The following UGT2B15 variants were observed in gnomAD, a reference collection of about 807,000 sequenced individuals.
UGT2B15 encodes UDP-glucuronosyltransferase 2B15.
Under a neutral mutation model 45.9 loss-of-function variants are expected in UGT2B15, and 36 were observed. That is an observed-to-expected ratio of 0.78 (90% CI 0.60 to 1.04). The LOEUF (loss-of-function observed/expected upper bound fraction) is 1.04, where lower values mean the gene tolerates loss of function less well. Among genes scored for constraint, UGT2B15 ranks in the 50% least tolerant of loss-of-function variants. The probability of loss-of-function intolerance (pLI) is 0.00; values close to 1 mark genes in which losing one functional copy is unlikely to be tolerated. For missense variants in UGT2B15, 617 were observed against 622.4 expected (o/e 0.99, Z 0.09); for synonymous variants, 219 against 216.4 (o/e 1.01, Z -0.11).
At position 68,647,238 on chromosome 4, in the gene UGT2B15, T is replaced by A; in HGVS notation, c.1459A>T (p.Ile487Phe). ...LRVAAHNLTW[I>F]QYHSLDVIAF... is the part of the protein sequence containing the mutation. ...ATCACATCCAAAGAGTGGTACTGGA[T>A]CCAGGTGAGGTTGTGAGCTGCGACT... The change falls in exon 6 of 6, where the codon ATC (isoleucine) becomes TTC (phenylalanine). Residue 487 changes from isoleucine to phenylalanine, a missense_variant. Around this residue, in one of 3 missense-constraint regions of UGT2B15, gnomAD observed 265 missense variants for 245.1 expected, o/e 1.08. Transcript: ENST00000338206. The A allele has an allele frequency of 6.8e-6, 11 of 1,613,976 alleles. 1 individual carries two copies. The highest frequency in any genetic ancestry group is 2.2e-5 in the East Asian group (1 of 44,888).
rs376404798 is a variant in UGT2B15 at position 68,647,137 on chromosome 4, A to G, written c.1560T>C (p.Leu520=). 2 of 1,612,936 alleles carry G rather than the reference A, an allele frequency of 1.2e-6. No homozygotes were observed. Among genetic ancestry groups the G allele is most frequent in the South Asian group, 1.1e-5 (1 of 90,988 alleles). ...TTTTCTTCTTCTTTCCTTTTTTGGC[A>G]AGCTTTCGGAAACAAAACAGGCAAA... ...TKFCLFCFRK[L]AKKGKKKKRD Residue 520 remains leucine, a synonymous_variant, in exon 6 of 6, where the codon CTT becomes CTC. Transcript: ENST00000338206.
chr4:68,659,825 T>G (rs1031942751), intron 3 of UGT2B15, among the ~76,000 whole-genome samples: 2 of 151,936 alleles, frequency 1.3e-5, no homozygotes, highest in Non-Finnish European at 2.9e-5. Context: ...ACTAAAATGT[T>G]CATGAGTATC....
chr4:68,649,538 C>T (rs1560602455), intron 5 of UGT2B15, among the ~76,000 whole-genome samples: 1 of 151,796 alleles, frequency 6.6e-6, no homozygotes, highest in African/African-American at 2.4e-5. Context: ...ACTTTGGCTT[C>T]CCAAAGTGTC....
chr4:68,660,454 A>G (rs1374653922), intron 3 of UGT2B15, among the ~76,000 whole-genome samples: 3 of 151,956 alleles, frequency 2.0e-5, no homozygotes, highest in East Asian at 3.9e-4. Context: ...GATTCTTTCT[A>G]TAAGACAAAG....
At chr4:68,650,497 A>G (rs888466781) in intron 5 of UGT2B15, among the ~76,000 whole-genome samples, 3 of 152,064 alleles carry the variant, frequency 2.0e-5, no homozygotes, top group African/African-American at 7.2e-5. Flanking sequence ...TTTATGGTGC[A>G]TAGTATTCCA....
At chr4:68,668,507 G>A (rs1315687543) in intron 1 of UGT2B15, among the ~76,000 whole-genome samples, 1 of 151,614 alleles carries the variant, frequency 6.6e-6, no homozygotes, top group Admixed American at 6.6e-5. Flanking sequence ...TGGTTTGACT[G>A]TCCCCACCCA....
chr4:68,665,306 CTG>C lies in UGT2B15; in HGVS notation c.874-2169_874-2168del, dbSNP rs929589616. On this transcript the variant is annotated intron_variant, in intron 2 of 5. Coordinates refer to ENST00000338206, the MANE Select transcript of UGT2B15 (RefSeq NM_001076.4). Reference sequence around the variant, plus strand: ...TATGCCTTTTTATTCTACAAAAAAACTGTGATCTTGTTCTACTCATCATTTTG... The same window carrying C: ...TATGCCTTTTTATTCTACAAAAAAACTGATCTTGTTCTACTCATCATTTTG... Among the ~76,000 whole-genome samples, 5 of 152,062 alleles carry C rather than the reference CTG, an allele frequency of 3.3e-5. 1 individual carries two copies. Among genetic ancestry groups the C allele is most frequent in the African/African-American group, 9.7e-5 (4 of 41,408 alleles).
chr4:68,670,064 A>T lies in UGT2B15; in HGVS notation c.555T>A (p.Gly185=), dbSNP rs1212688704. 1 of 1,614,074 alleles carries T rather than the reference A, an allele frequency of 6.2e-7. No individual in the cohort carries two copies. The change falls in exon 1 of 6, where the codon GGT becomes GGA. Residue 185 remains glycine, a synonymous_variant. Coordinates refer to ENST00000338206, the MANE Select transcript of UGT2B15 (RefSeq NM_001076.4). ...FSVGYTFEKN[G]GGFLFPPSYV... ...AGGAAGGAGGGAACAGAAATCCTCC[A>T]CCATTCTTCTCAAATGTGTAGCCAA...
intron 3 of UGT2B15, among the ~76,000 whole-genome samples, chr4:68,659,583 G>C (rs1329955111): frequency 3.3e-5 from 5 of 151,928 alleles, no homozygotes; most frequent in African/African-American, 1.2e-4. Context: ...TATGTGTTAA[G>C]TTATTGTGTG....
Position 68,647,361 on chromosome 4 carries a change from A to G in UGT2B15, c.1336T>C (p.Leu446=). ...GGTTGGTCATGATGAATTCTTGATAATTTCATGACATTCTCTTTATAGCTG... is the reference window on the plus strand; with the variant it reads ...GGTTGGTCATGATGAATTCTTGATAGTTTCATGACATTCTCTTTATAGCTG... ...DPVYKENVMK[L]SRIHHDQPMK... The change falls in exon 6 of 6, where the codon TTA becomes CTA. Residue 446 remains leucine (L), a synonymous_variant. Transcript: ENST00000338206. 1 of 1,613,324 alleles carries G rather than the reference A, an allele frequency of 6.2e-7. No individual in the cohort carries two copies. Among genetic ancestry groups the G allele is most frequent in the South Asian group, 1.1e-5 (1 of 90,976 alleles).
chr4:68,658,798 T>G (rs1732882202), intron 3 of UGT2B15, among the ~76,000 whole-genome samples: 1 of 152,090 alleles, frequency 6.6e-6, no homozygotes, highest in African/African-American at 2.4e-5. Context: ...TATAAGTTTT[T>G]TTCCTCAAGT....
chr4:68,665,190 A>T (rs532190894), intron 2 of UGT2B15, among the ~76,000 whole-genome samples: 42 of 152,298 alleles, frequency 2.8e-4, no homozygotes, highest in African/African-American at 9.9e-4. Context: ...CTCAATTTAA[A>T]ATGTGTGCCA....
chr4:68,653,634 A>T (rs1396298111), intron 5 of UGT2B15, among the ~76,000 whole-genome samples: 23 of 152,124 alleles, frequency 1.5e-4, no homozygotes, highest in African/African-American at 5.5e-4. Flanking sequence ...ATAATTCATT[A>T]TCACATTTCT....
Position 68,663,117 on chromosome 4 carries a change from C to G in UGT2B15, c.896G>C (p.Ser299Thr), listed in dbSNP as rs1235492872. 6.4e-7 allele frequency: 1 copy of G among 1,561,808 alleles called. No homozygotes were observed. The stretch of plus-strand genomic sequence containing the variant: ...CACCACAATACCATTTTCTCCAGAG[C>G]TCTGCACAAACTCTTCCATTTCCTG... ...LPKEMEEFVQ[S>T]SGENGIVVFS... is the part of the protein sequence containing the mutation. The change falls in exon 3 of 6, where the codon AGC (serine) becomes ACC (threonine). Residue 299 changes from serine to threonine, a missense_variant. This residue lies in a region of UGT2B15 where 351 missense variants were observed against 342.1 expected (regional missense o/e 1.03). Transcript: ENST00000338206.
intron 5 of UGT2B15, 85 bp downstream of exon 5, chr4:68,653,952 T>A (rs1732726414): frequency 6.6e-7 from 1 of 1,524,288 alleles, no homozygotes; most frequent in Non-Finnish European, 8.9e-7. Flanking sequence ...TCAAAATTAG[T>A]CTCTTAAAAA....
chr4:68,662,879 A>G (rs34073924), intron 3 of UGT2B15, 129 bp downstream of exon 3: 147,497 of 957,068 alleles, frequency 0.15, 34,855 homozygotes, highest in East Asian at 0.4. Flanking sequence ...TTTGTTTTGA[A>G]CAGATGTCTG....
intron 3 of UGT2B15, among the ~76,000 whole-genome samples, chr4:68,660,714 A>G (rs185437973): frequency 3.3e-5 from 5 of 151,932 alleles, no homozygotes; most frequent in Admixed American, 1.3e-4. Context: ...CTAATTTTTC[A>G]TGGCGACACG....
Position 68,654,141 on chromosome 4 carries a change from G to A in UGT2B15, c.1209C>T (p.Asn403=). The A allele has an allele frequency of 6.2e-6, 10 of 1,613,612 alleles. No homozygotes were observed. Among genetic ancestry groups the A allele is most frequent in the Non-Finnish European group, 8.5e-6 (10 of 1,179,700 alleles). Residue 403 remains asparagine, a synonymous_variant, in exon 5 of 6, where the codon AAC becomes AAT. Transcript: ENST00000338206. ...CTCCCTTGGCTTTCATGTGAGCAAT[G>A]TTATCATGTTGATCCGCAAACAAGG... ...GIPLFADQHD[N]IAHMKAKGAA...
Position 68,654,174 on chromosome 4 carries a change from C to G in UGT2B15, c.1176G>C (p.Val392=), listed in dbSNP as rs183260568. 5.9e-4 allele frequency: 948 copies of G among 1,613,566 alleles called. 7 individuals carry two copies. The highest frequency in any genetic ancestry group is 7.1e-5 in the Non-Finnish European group (84 of 1,179,672). The part of the protein sequence containing the change: ...YEAIYHGIPM[V]GIPLFADQHD... ...GTTGATCCGCAAACAAGGGAATGCC[C>G]ACCATAGGGATCCCATGGTAGATCG... The change falls in exon 5 of 6, where the codon GTG becomes GTC. Residue 392 remains valine, a synonymous_variant. Coordinates refer to ENST00000338206, the MANE Select transcript of UGT2B15 (RefSeq NM_001076.4).
Sources: gnomAD v4.1 joint callset for allele counts (sites outside exome capture counted in the v4.1 genomes callset) on GRCh38, gnomAD v4.1.1 for gene constraint, gnomAD v4.1.1 regional missense constraint, MANE v1.5 for transcripts, NCBI Gene and HGNC (gene_info 2026-07-23, HGNC 2026-07-21) for gene names.